The following ADAMTS6 variants were observed in gnomAD, a reference collection of about 807,000 sequenced individuals.
ADAMTS6 encodes ADAM metallopeptidase with thrombospondin type 1 motif 6, also known as A disintegrin and metalloproteinase with thrombospondin motifs 6.
A neutral mutation model predicts 144.3 loss-of-function variants in ADAMTS6; 23 were observed. That is an observed-to-expected ratio of 0.16 (90% CI 0.11 to 0.23). ADAMTS6 has a LOEUF of 0.23. Ranked by LOEUF, ADAMTS6 falls within the 10% of genes least tolerant of loss-of-function variation. The pLI, the probability that ADAMTS6 is intolerant of heterozygous loss-of-function variation, is 1.00. For missense variants in ADAMTS6, 999 were observed against 1,379.6 expected (o/e 0.72, Z 4.37); for synonymous variants, 444 against 457.5 (o/e 0.97, Z 0.38).
intron 7 of ADAMTS6, among the ~76,000 whole-genome samples, chr5:65,411,492 T>A (rs577439884): frequency 6.6e-6 from 1 of 152,334 alleles, no homozygotes; most frequent in Admixed American, 6.5e-5. Flanking sequence ...TGGAATCCTA[T>A]TATCTCCTTC....
intron 22 of ADAMTS6, among the ~76,000 whole-genome samples, chr5:65,181,417 C>T (rs1490953364): frequency 2.0e-5 from 3 of 152,150 alleles, no homozygotes; most frequent in Non-Finnish European, 4.4e-5. Flanking sequence ...AATATTATCA[C>T]TGGTAACAAA....
chr5:65,470,826 T>A lies in ADAMTS6; in HGVS notation c.414A>T (p.Gln138His). ...CCACTTTAGTTGTACTACGTTGATC[T>A]TGCAAATATCCTGTGTAATGACAGT... ...LDNCHYTGYL[Q>H]DQRSTTKVAL... The change falls in exon 3 of 25, where the codon CAA (glutamine) becomes CAT (histidine). Residue 138 changes from glutamine to histidine, a missense_variant. By Grantham distance (24) the Gln-to-His change is conservative. Coordinates refer to ENST00000381055, the MANE Select transcript of ADAMTS6 (RefSeq NM_197941.4). 1 of 1,609,086 alleles carries A rather than the reference T, an allele frequency of 6.2e-7. No homozygotes were observed. The highest frequency in any genetic ancestry group is 8.5e-7 in the Non-Finnish European group (1 of 1,178,640).
chr5:65,460,773 A>G (rs2150265652), intron 3 of ADAMTS6, among the ~76,000 whole-genome samples: 1 of 152,316 alleles, frequency 6.6e-6, no homozygotes, highest in African/African-American at 2.4e-5. Context: ...ATACCTCTGC[A>G]GTGGAATCTT....
In ADAMTS6 at chr5:65,470,959, T is replaced by G; in HGVS notation, c.281A>C (p.Lys94Thr). 5 of 1,613,126 alleles carry G rather than the reference T, an allele frequency of 3.1e-6. No homozygotes were observed. The highest frequency in any genetic ancestry group is 4.2e-6 in the Non-Finnish European group (5 of 1,179,612). ...KLFFKLSAYG[K>T]HFHLNLTLNT... The stretch of plus-strand genomic sequence containing the variant: ...GAGAGTCAAGTTTAGATGAAAGTGC[T>G]TGCCATAGGCTGAAAGTTTAAAAAA... The change falls in exon 3 of 25, where the codon AAG becomes ACG. Residue 94 changes from lysine (K) to threonine (T), a missense_variant. Around this residue, in one of 3 missense-constraint regions of ADAMTS6, gnomAD observed 252 missense variants for 293.7 expected, o/e 0.86. Transcript: ENST00000381055.
intron 7 of ADAMTS6, among the ~76,000 whole-genome samples, chr5:65,414,462 C>T (rs895156050): frequency 6.6e-6 from 1 of 151,910 alleles, no homozygotes; most frequent in Admixed American, 6.6e-5. Flanking sequence ...CCCCCCTACA[C>T]TAAATGATGA....
chr5:65,302,147 T>TTACATATAATATATATTTATATGATATTA (rs1561398305), intron 9 of ADAMTS6, among the ~76,000 whole-genome samples: 1 of 144,088 alleles, frequency 6.9e-6, no homozygotes, highest in Admixed American at 7.1e-5. Flanking sequence ...TAATATATAT[T>TTACATATAATATATATTTATATGATATTA]TACATATAAT....
In ADAMTS6 at chr5:65,150,212, A is replaced by C. The variant is rs1752079659; in HGVS notation, c.*1624T>G. The C allele has an allele frequency of 6.6e-6, 1 of 152,638 alleles. No homozygotes were observed. Among genetic ancestry groups the C allele is most frequent in the Non-Finnish European group, 1.5e-5 (1 of 68,042 alleles). 9.5% of individuals were successfully genotyped at this position (152,638 alleles called of 1,614,324 possible). Reference sequence around the variant, plus strand: ...TTAACTGAAAGTATTAACCTTACAAAATAGCCATTTAGTTTTGAGTTTTAG... The same window carrying C: ...TTAACTGAAAGTATTAACCTTACAACATAGCCATTTAGTTTTGAGTTTTAG... On this transcript the variant is annotated 3_prime_UTR_variant, in exon 25 of 25. Transcript: ENST00000381055.
intron 1 of ADAMTS6, among the ~76,000 whole-genome samples, chr5:65,475,923 T>C (rs1760812110): frequency 6.6e-6 from 1 of 152,208 alleles, no homozygotes; most frequent in South Asian, 2.1e-4. Context: ...TAGACTCTGA[T>C]GAGCCCAATA....
chr5:65,216,869 A>G (rs920833077), intron 18 of ADAMTS6, among the ~76,000 whole-genome samples: 5 of 152,112 alleles, frequency 3.3e-5, no homozygotes, highest in Middle Eastern at 3.2e-3. Context: ...AAAAACTCCT[A>G]TAAACAAACA....
intron 7 of ADAMTS6, among the ~76,000 whole-genome samples, chr5:65,360,020 G>A (rs1308639190): frequency 1.3e-5 from 2 of 152,200 alleles, no homozygotes; most frequent in African/African-American, 4.8e-5. Flanking sequence ...CTGTATGTAT[G>A]TATATCAGTC....
intron 7 of ADAMTS6, among the ~76,000 whole-genome samples, chr5:65,444,913 C>T (rs1758147617): frequency 6.6e-6 from 1 of 152,194 alleles, no homozygotes; most frequent in South Asian, 2.1e-4. Context: ...GCTCTCTCTT[C>T]TCCAATATGG....
chr5:65,234,745 C>T (rs1758540699), intron 15 of ADAMTS6, among the ~76,000 whole-genome samples: 1 of 152,140 alleles, frequency 6.6e-6, no homozygotes, highest in Non-Finnish European at 1.5e-5. Flanking sequence ...ATCCAGCAAT[C>T]CCACTTCTGG....
intron 7 of ADAMTS6, among the ~76,000 whole-genome samples, chr5:65,405,321 T>A (rs1308891475): frequency 2.6e-5 from 4 of 152,340 alleles, no homozygotes; most frequent in Non-Finnish European, 5.9e-5. Context: ...TTAATTTTTA[T>A]ATAAGGTGTA....
chr5:65,449,252 G>A (rs1018415732), intron 7 of ADAMTS6, among the ~76,000 whole-genome samples: 1 of 152,068 alleles, frequency 6.6e-6, no homozygotes, highest in African/African-American at 2.4e-5. Flanking sequence ...TGAACTCTTC[G>A]AACTACTAAT....
At chr5:65,480,525 C>T (rs1248719241) in intron 1 of ADAMTS6, among the ~76,000 whole-genome samples, 1 of 152,232 alleles carries the variant, frequency 6.6e-6, no homozygotes, top group African/African-American at 2.4e-5. Flanking sequence ...AAGAAACTCA[C>T]TCTCTTGTTC....
Position 65,228,551 on chromosome 5 carries a change from T to C in ADAMTS6, c.1934-2332A>G, listed in dbSNP as rs143401924. 3.3e-3 allele frequency among the ~76,000 whole-genome samples: 508 copies of C among 152,170 alleles called. 3 individuals are homozygous for C. The highest frequency in any genetic ancestry group is 0.012 in the African/African-American group (486 of 41,508). On this transcript the variant is annotated intron_variant, in intron 15 of 24. Coordinates refer to ENST00000381055, the MANE Select transcript of ADAMTS6 (RefSeq NM_197941.4). ...CTACTTATAGACAAGTGTACCTTTA[T>C]GGGACTCCAGCAGAAAAGTTCCAGC... is the stretch of plus-strand genomic sequence containing the variant.
At chr5:65,351,577 A>G (rs1219349462) in intron 7 of ADAMTS6, among the ~76,000 whole-genome samples, 1 of 152,208 alleles carries the variant, frequency 6.6e-6, no homozygotes. Flanking sequence ...GAATTTTTAT[A>G]ATGACCTTAT....
At chr5:65,269,623 G>T (rs1191932868) in intron 12 of ADAMTS6, among the ~76,000 whole-genome samples, 2 of 152,074 alleles carry the variant, frequency 1.3e-5, no homozygotes, top group African/African-American at 4.8e-5. Flanking sequence ...GGGCTGAAAT[G>T]TCAGCTATGC....
chr5:65,407,904 A>C (rs1323151491), intron 7 of ADAMTS6, among the ~76,000 whole-genome samples: 2 of 152,190 alleles, frequency 1.3e-5, no homozygotes, highest in African/African-American at 4.8e-5. Context: ...ACTAAGCTTC[A>C]TAAGTGAAGG....
Sources: gnomAD v4.1 joint callset for allele counts (sites outside exome capture counted in the v4.1 genomes callset) on GRCh38, gnomAD v4.1.1 for gene constraint, gnomAD v4.1.1 regional missense constraint, MANE v1.5 for transcripts, NCBI Gene and HGNC (gene_info 2026-07-23, HGNC 2026-07-21) for gene names.